The following MAP4K1 variants were observed in gnomAD, a reference collection of about 807,000 sequenced individuals.
MAP4K1 encodes MAPK/ERK kinase kinase kinase 1.
A neutral mutation model predicts 122.8 loss-of-function variants in MAP4K1; 35 were observed. The observed-to-expected ratio is 0.29, with a 90% CI of 0.22 to 0.38. MAP4K1 has a LOEUF of 0.38. Ranked by LOEUF, MAP4K1 falls within the 10% of genes least tolerant of loss-of-function variation. The pLI is 1.00. For missense variants in MAP4K1, 791 were observed against 1,072.6 expected (o/e 0.74, Z 3.67); for synonymous variants, 412 against 421.3 (o/e 0.98, Z 0.27).
chr19:38,595,384 A>G, intron 29 of MAP4K1, 101 bp downstream of exon 29: 1 of 1,131,604 alleles, frequency 8.8e-7, no homozygotes, highest in Non-Finnish European at 1.3e-6. Flanking sequence ...TTTCCCCTCC[A>G]GGACTTCACA....
chr19:38,614,318 C>T (rs1975584316), intron 5 of MAP4K1, 26 bp from the exon 6 acceptor site: 1 of 1,614,148 alleles, frequency 6.2e-7, no homozygotes, highest in Non-Finnish European at 8.5e-7. Context: ...GACAAGGGGA[C>T]AGTGAGTGTT....
intron 20 of MAP4K1, 21 bp from the exon 21 acceptor site, chr19:38,600,174 G>T: frequency 6.2e-7 from 1 of 1,609,578 alleles, no homozygotes; most frequent in East Asian, 2.2e-5. Flanking sequence ...AGACAAGGAC[G>T]CTGGGACCGA....
At chr19:38,603,876 TAGG>T (rs1339031529) in intron 19 of MAP4K1, among the ~76,000 whole-genome samples, 1 of 151,030 alleles carries the variant, frequency 6.6e-6, no homozygotes, top group Non-Finnish European at 1.5e-5. Flanking sequence ...CATGGCTACT[TAGG>T]AGGCTGAGGC....
intron 20 of MAP4K1, 91 bp from the exon 21 acceptor site, chr19:38,600,244 TC>T: frequency 1.0e-6 from 1 of 994,546 alleles, no homozygotes; most frequent in Non-Finnish European, 1.6e-6. Context: ...TGACACTCTG[TC>T]CCCAGCTCTG....
chr19:38,595,403 CAGG>C (rs913034329), intron 29 of MAP4K1, 79 bp downstream of exon 29: 13 of 1,416,134 alleles, frequency 9.2e-6, no homozygotes, highest in Non-Finnish European at 1.1e-5. Flanking sequence ...CACTCTGACT[CAGG>C]AGTTCTCGGA....
At chr19:38,610,167 G>A in intron 11 of MAP4K1, 142 bp from the exon 12 acceptor site, 1 of 617,938 alleles carries the variant, frequency 1.6e-6, no homozygotes, top group South Asian at 1.9e-5. Context: ...AAGGCAGAGG[G>A]CGGGGAAATC....
chr19:38,614,010 C>G (rs1975575788), intron 7 of MAP4K1, 33 bp downstream of exon 7: 2 of 1,611,510 alleles, frequency 1.2e-6, no homozygotes, highest in Admixed American at 3.3e-5. Flanking sequence ...GCCCCCCAGT[C>G]AGCCCCCCTG....
At chr19:38,605,765 T>C (rs772607688) in intron 17 of MAP4K1, 35 bp from the exon 18 acceptor site, 3 of 1,578,420 alleles carry the variant, frequency 1.9e-6, no homozygotes, top group Non-Finnish European at 2.6e-6. Context: ...GGGAAATACA[T>C]CAGATGATCT....
At chr19:38,590,382 AAAAAAAAAAAAAATAT>A (rs1568618458) in intron 30 of MAP4K1, among the ~76,000 whole-genome samples, 2 of 54,522 alleles carry the variant, frequency 3.7e-5, no homozygotes, top group African/African-American at 2.0e-4. Flanking sequence ...AGAAAAAAAA[AAAAAAAAAAAAAATAT>A]ATATATATAT....
At chr19:38,589,501 C>T (rs1427363832) in intron 30 of MAP4K1, among the ~76,000 whole-genome samples, 5 of 151,076 alleles carry the variant, frequency 3.3e-5, no homozygotes, top group Admixed American at 1.3e-4. Context: ...CTGCAACCTC[C>T]GCCTCCCGGG....
In MAP4K1 at chr19:38,617,806, T is replaced by C. The variant is rs1462802272; in HGVS notation, c.90A>G (p.Glu30=). 8.7e-6 allele frequency: 14 copies of C among 1,613,926 alleles called. No homozygotes were observed. The highest frequency in any genetic ancestry group is 1.2e-5 in the Non-Finnish European group (14 of 1,179,972). The change falls in exon 1 of 31, where the codon GAA becomes GAG. Residue 30 remains glutamate, a synonymous_variant. Coordinates refer to ENST00000396857, the MANE Select transcript of MAP4K1 (RefSeq NM_001042600.3). The surrounding 1 kb of genome is among the most constrained non-coding windows in gnomAD (Gnocchi z 4.1). ...LQRLGGGTYG[E]VFKARDKVSG... ...AGAGGGGCTTCCTCACCTTAAAGAC[T>C]TCCCCATACGTGCCGCCACCCAGCC...
rs769434169 is a variant in MAP4K1 at position 38,597,042 on chromosome 19, G to A, written c.1933C>T (p.Leu645Phe). 1.2e-6 allele frequency: 2 copies of A among 1,614,084 alleles called. No individual in the cohort carries two copies. Among genetic ancestry groups the A allele is most frequent in the East Asian group, 2.2e-5 (1 of 44,882 alleles). ...CCTCCCAAGCCCCTTACCCGGACAAGCAGGAATTTGTTCATGGGCTGGTAC... is the reference window on the plus strand; with the variant it reads ...CCTCCCAAGCCCCTTACCCGGACAAACAGGAATTTGTTCATGGGCTGGTAC... ...QWYQPMNKFLLVRQVLFPLPT... is the reference protein window; with the variant it reads ...QWYQPMNKFLFVRQVLFPLPT... The change falls in exon 25 of 31, where the codon CTT becomes TTT. Residue 645 changes from leucine to phenylalanine, a missense_variant. Physicochemically the swap from Leu to Phe is conservative, Grantham distance 22 (BLOSUM62 0). Around this residue, in one of 4 missense-constraint regions of MAP4K1, gnomAD observed 267 missense variants for 323.0 expected, o/e 0.83. Coordinates refer to ENST00000396857, the MANE Select transcript of MAP4K1 (RefSeq NM_001042600.3). This position sits in a 1 kb window ranked among gnomAD's most constrained non-coding sequence, Gnocchi z 4.6.
rs773168635 is a variant in MAP4K1, at chr19:38,593,281, C to T, written c.2396+1G>A. The T allele has an allele frequency of 6.2e-7, 1 of 1,611,684 alleles. No homozygotes were observed. Among genetic ancestry groups the T allele is most frequent in the South Asian group, 1.1e-5 (1 of 90,690 alleles). ...CTTCTGCACCCCACCCCACAACATA[C>T]CTGGGGGAGCCAAGCAGACGGAAAG... On this transcript the variant is annotated splice_donor_variant, in intron 30 of 30. Transcript: ENST00000396857. LOFTEE classifies it high-confidence loss of function.
At chr19:38,596,045 C>A in intron 26 of MAP4K1, 44 bp from the exon 27 acceptor site, 2 of 1,579,060 alleles carry the variant, frequency 1.3e-6, no homozygotes, top group Non-Finnish European at 1.7e-6. Context: ...ACCCCATTCC[C>A]CTTTCCCCAC....
chr19:38,588,502 C>T (rs1974596833), intron 30 of MAP4K1, among the ~76,000 whole-genome samples: 1 of 151,886 alleles, frequency 6.6e-6, no homozygotes, highest in South Asian at 2.1e-4. Context: ...ACCAGCCTGG[C>T]CAATATGGTG....
intron 17 of MAP4K1, 60 bp downstream of exon 17, chr19:38,606,113 G>A (rs1039526775): frequency 2.2e-6 from 3 of 1,349,598 alleles, no homozygotes; most frequent in Non-Finnish European, 3.1e-6. Context: ...TAAGGACCTG[G>A]CCTCCTGGCC....
At position 38,603,353 on chromosome 19, in the gene MAP4K1, TAC is replaced by T. The variant is rs1178965366; in HGVS notation, c.1447-1830_1447-1829del. ...ATACGCATATACATATATACACATATACATATATACACACATATACATATATA... is the reference window on the plus strand; with the variant it reads ...ATACGCATATACATATATACACATATATATATACACACATATACATATATA... On this transcript the variant is annotated intron_variant, in intron 19 of 30. Transcript: ENST00000396857. 2.2e-4 allele frequency among the ~76,000 whole-genome samples: 33 copies of T among 146,892 alleles called. 1 individual carries two copies. The highest frequency in any genetic ancestry group is 7.9e-3 in the Middle Eastern group (2 of 254).
chr19:38,595,769 C>A, intron 27 of MAP4K1, 40 bp from the exon 28 acceptor site: 1 of 1,548,188 alleles, frequency 6.5e-7, no homozygotes. Context: ...GTGAGCAAGG[C>A]TTAGAGGGTT....
At position 38,611,072 on chromosome 19, in the gene MAP4K1, G is replaced by A. The variant is rs1975482846; in HGVS notation, c.789C>T (p.Pro263=). The change falls in exon 11 of 31, where the codon CCC becomes CCT. Residue 263 remains proline (P), a synonymous_variant. Transcript: ENST00000396857. ...TTACACTGAGCATCTTGGTGGCGCT[G>A]GGTCGTTTCTTGGGACTCTTAGTCA... is the stretch of plus-strand genomic sequence containing the variant. ...VTLTKSPKKR[P]SATKMLSHQL... 2 of 1,612,978 alleles carry A rather than the reference G, an allele frequency of 1.2e-6. No individual in the cohort carries two copies. Among genetic ancestry groups the A allele is most frequent in the Non-Finnish European group, 1.7e-6 (2 of 1,179,572 alleles).
Sources: allele counts gnomAD v4.1 joint callset (sites outside exome capture counted in the v4.1 genomes callset), GRCh38; gene constraint gnomAD v4.1.1; regional missense constraint gnomAD v4.1.1; non-coding constraint Gnocchi (gnomAD v3.1); transcripts MANE v1.5; gene names NCBI Gene and HGNC (gene_info 2026-07-23, HGNC 2026-07-21).